The following FREM2 variants were observed in gnomAD, a reference collection of about 807,000 sequenced individuals.
The protein encoded by FREM2 is FRAS1 related extracellular matrix 2.
Under a neutral mutation model 219.9 loss-of-function variants are expected in FREM2, and 119 were observed. That is an observed-to-expected ratio of 0.54 (90% CI 0.47 to 0.63). The LOEUF (loss-of-function observed/expected upper bound fraction) is 0.63, where lower values mean the gene tolerates loss of function less well. Among genes scored for constraint, FREM2 ranks in the 30% least tolerant of loss-of-function variants. FREM2 has a pLI of 0.00. For synonymous variants in FREM2, 1,562 were observed against 1,522.8 expected (o/e 1.03, Z -0.60); for missense variants, 4,030 against 3,993.6 (o/e 1.01, Z -0.25).
chr13:38,866,441 T>G (rs1593453832), intron 16 of FREM2, among the ~76,000 whole-genome samples: 1 of 151,546 alleles, frequency 6.6e-6, no homozygotes, highest in Non-Finnish European at 1.5e-5. Flanking sequence ...GAGGTTGCAG[T>G]GAGCCGAGAT....
At chr13:38,824,185 G>A (rs747462938) in intron 6 of FREM2, among the ~76,000 whole-genome samples, 2 of 152,028 alleles carry the variant, frequency 1.3e-5, no homozygotes, top group Admixed American at 6.6e-5. Context: ...GAAAGAGTGA[G>A]GAGAAAGAGA....
At chr13:38,699,547 T>C (rs967208573) in intron 2 of FREM2, among the ~76,000 whole-genome samples, 1 of 152,112 alleles carries the variant, frequency 6.6e-6, no homozygotes, top group African/African-American at 2.4e-5. Context: ...TAGGAACATA[T>C]CATTTTAGGA....
intron 2 of FREM2, among the ~76,000 whole-genome samples, chr13:38,732,099 A>G (rs988089337): frequency 6.6e-6 from 1 of 152,208 alleles, no homozygotes; most frequent in African/African-American, 2.4e-5. Flanking sequence ...TTGTCTCTTT[A>G]CATTTGGAAG....
chr13:38,878,831 G>T lies in FREM2; in HGVS notation c.8860G>T (p.Asp2954Tyr), dbSNP rs912905305. 1 of 1,614,124 alleles carries T rather than the reference G, an allele frequency of 6.2e-7. No homozygotes were observed. Residue 2954 changes from aspartate to tyrosine, a missense_variant and splice_region_variant, in exon 23 of 24, where the codon GAC becomes TAC. Asp to Tyr is a radical substitution (Grantham distance 160). Coordinates refer to ENST00000280481, the MANE Select transcript of FREM2 (RefSeq NM_207361.6). ...TCACCACTTTCCTTACTGCTTAAAG[G>T]ACAAAGCTCAGCCAGAGACACAAGC... ...PSLLYRFKIV[D>Y]KAQPETQATS... is the part of the protein sequence containing the mutation.
intron 6 of FREM2, among the ~76,000 whole-genome samples, chr13:38,844,082 C>T (rs1877058950): frequency 6.6e-6 from 1 of 152,078 alleles, no homozygotes; most frequent in Non-Finnish European, 1.5e-5. Context: ...AGTTAATTAA[C>T]TTTTCTAACT....
At chr13:38,856,396 A>C in intron 12 of FREM2, 140 bp downstream of exon 12, 1 of 746,246 alleles carries the variant, frequency 1.3e-6, no homozygotes, top group South Asian at 1.4e-5. Flanking sequence ...ATCTCTTTTT[A>C]CCACCTAAAT....
chr13:38,779,576 A>C (rs1242986911), intron 4 of FREM2: 1 of 152,132 alleles, frequency 6.6e-6, no homozygotes, highest in Non-Finnish European at 1.5e-5. Context: ...CACAAGTAAA[A>C]AAATAAAAAG....
Position 38,872,917 on chromosome 13 carries a change from C to G in FREM2, c.8159C>G (p.Pro2720Arg). The change falls in exon 17 of 24, where the codon CCA (proline) becomes CGA (arginine). Residue 2720 changes from proline to arginine, a missense_variant. This residue lies in a region of FREM2 where 928 missense variants were observed against 1,042.9 expected (regional missense o/e 0.89). Transcript: ENST00000280481. ...TGGAATGATGGAATTGGCAGCCCCC[C>G]AGAGGCTGAACTTCAAGGTGAGTTC... ...ILWNDGIGSP[P>R]EAELQGSLYP... 1 of 1,613,772 alleles carries G rather than the reference C, an allele frequency of 6.2e-7. No homozygotes were observed. The highest frequency in any genetic ancestry group is 8.5e-7 in the Non-Finnish European group (1 of 1,179,844).
intron 6 of FREM2, among the ~76,000 whole-genome samples, chr13:38,833,827 A>G (rs575451215): frequency 1.1e-4 from 16 of 152,146 alleles, no homozygotes; most frequent in Non-Finnish European, 1.6e-4. Context: ...GAGTTGATTC[A>G]TTGCCTGTCT....
intron 6 of FREM2, 32 bp downstream of exon 6, chr13:38,784,840 C>T (rs1325689750): frequency 1.9e-6 from 3 of 1,611,356 alleles, no homozygotes; most frequent in Non-Finnish European, 2.5e-6. Flanking sequence ...AATTCTTTTT[C>T]CCGGGAAGAT....
chr13:38,799,268 G>A (rs565577725), intron 6 of FREM2, among the ~76,000 whole-genome samples: 2 of 151,696 alleles, frequency 1.3e-5, no homozygotes, highest in Non-Finnish European at 2.9e-5. Flanking sequence ...TATTTGTATA[G>A]GTTCCAAAGT....
intron 4 of FREM2, among the ~76,000 whole-genome samples, chr13:38,773,597 TG>T (rs1034887974): frequency 2.0e-5 from 3 of 152,020 alleles, no homozygotes; most frequent in African/African-American, 7.3e-5. Context: ...TTTTTTTGAT[TG>T]GTTGTTTTTT....
Position 38,690,551 on chromosome 13 carries a change from C to G in FREM2, c.3207C>G (p.Ile1069Met), listed in dbSNP as rs771703186. Residue 1069 changes from isoleucine to methionine, a missense_variant, in exon 1 of 24, where the codon ATC becomes ATG. This residue lies in a region of FREM2 where 3,102 missense variants were observed against 2,950.7 expected (regional missense o/e 1.05). Coordinates refer to ENST00000280481, the MANE Select transcript of FREM2 (RefSeq NM_207361.6). ...ILPVDSQAPE[I>M]FVGEQLIVME... is the part of the protein sequence containing the mutation. ...CTGTTGATAGCCAGGCCCCAGAAAT[C>G]TTTGTAGGTGAACAGTTGATAGTAA... is the stretch of plus-strand genomic sequence containing the variant. 1 of 1,614,144 alleles carries G rather than the reference C, an allele frequency of 6.2e-7. No homozygotes were observed. Among genetic ancestry groups the G allele is most frequent in the Non-Finnish European group, 8.5e-7 (1 of 1,180,034 alleles).
At chr13:38,866,529 G>A (rs188396281) in intron 16 of FREM2, among the ~76,000 whole-genome samples, 2 of 151,114 alleles carry the variant, frequency 1.3e-5, no homozygotes, top group Non-Finnish European at 3.0e-5. Flanking sequence ...TTAGCCGGGC[G>A]TGGTGGCGCA....
intron 2 of FREM2, among the ~76,000 whole-genome samples, chr13:38,761,453 G>A (rs957050286): frequency 2.0e-5 from 3 of 152,056 alleles, no homozygotes; most frequent in Non-Finnish European, 4.4e-5. Flanking sequence ...TTACTTTCTA[G>A]ATGATGTTCC....
At chr13:38,780,696 C>G (rs536500093) in intron 4 of FREM2, among the ~76,000 whole-genome samples, 24 of 152,300 alleles carry the variant, frequency 1.6e-4, no homozygotes, top group South Asian at 4.1e-4. Context: ...CCAAAGACAA[C>G]TTTTTTGGCA....
At position 38,690,170 on chromosome 13, in the gene FREM2, A is replaced by G; in HGVS notation, c.2826A>G (p.Ile942Met). 4.3e-6 allele frequency: 7 copies of G among 1,614,088 alleles called. No homozygotes were observed. The highest frequency in any genetic ancestry group is 5.9e-6 in the Non-Finnish European group (7 of 1,179,982). The change falls in exon 1 of 24, where the codon ATA (isoleucine) becomes ATG (methionine). Residue 942 changes from isoleucine (I) to methionine (M), a missense_variant. By Grantham distance (10) the Ile-to-Met change is conservative. This residue lies in a region of FREM2 where 3,102 missense variants were observed against 2,950.7 expected (regional missense o/e 1.05). Transcript: ENST00000280481. ...GGCCAGTGGATGATGAAGTGCCCAT[A>G]CTGAGCCATCCTACTGGCACTCTGG... ...NVRPVDDEVP[I>M]LSHPTGTLES...
At chr13:38,747,535 T>C (rs1593381690) in intron 2 of FREM2, among the ~76,000 whole-genome samples, 2 of 152,206 alleles carry the variant, frequency 1.3e-5, no homozygotes, top group East Asian at 3.9e-4. Context: ...TATGTGTTTT[T>C]TTCCTTGTCT....
intron 3 of FREM2, among the ~76,000 whole-genome samples, chr13:38,764,818 C>G (rs1031028857): frequency 6.6e-6 from 1 of 152,202 alleles, no homozygotes; most frequent in Non-Finnish European, 1.5e-5. Flanking sequence ...TTGTTAAATA[C>G]TAATGATTTT....
Sources: allele counts gnomAD v4.1 joint callset (sites outside exome capture counted in the v4.1 genomes callset), GRCh38; gene constraint gnomAD v4.1.1; regional missense constraint gnomAD v4.1.1; transcripts MANE v1.5; gene names NCBI Gene and HGNC (gene_info 2026-07-23, HGNC 2026-07-21).